Variants in CNTNAP5 observed in about 807,000 individuals in gnomAD.
CNTNAP5 encodes contactin-associated protein-like 5.
CNTNAP5 carries 72 observed loss-of-function variants against 150.2 expected under a neutral mutation model. That is an observed-to-expected ratio of 0.48 (90% CI 0.40 to 0.58). CNTNAP5 has a LOEUF of 0.58. CNTNAP5 is among the 20% of genes least tolerant of loss of function. The pLI, the probability that CNTNAP5 is intolerant of heterozygous loss-of-function variation, is 0.00. For missense variants in CNTNAP5, 1,636 were observed against 1,626.2 expected (o/e 1.01, Z -0.10); for synonymous variants, 672 against 619.8 (o/e 1.08, Z -1.25).
chr2:124,358,456 T>C (rs1573939287), intron 3 of CNTNAP5, among the ~76,000 whole-genome samples: 1 of 152,218 alleles, frequency 6.6e-6, no homozygotes, highest in South Asian at 2.1e-4. Flanking sequence ...TAGATAGCTC[T>C]TATTATTTTG....
intron 4 of CNTNAP5, among the ~76,000 whole-genome samples, chr2:124,429,841 C>G (rs762726326): frequency 6.6e-6 from 1 of 152,070 alleles, no homozygotes; most frequent in Non-Finnish European, 1.5e-5. Context: ...ATAGATGATG[C>G]GCAGGAACTC....
intron 21 of CNTNAP5, among the ~76,000 whole-genome samples, chr2:124,893,200 T>A (rs1426246939): frequency 6.6e-6 from 1 of 152,130 alleles, no homozygotes; most frequent in African/African-American, 2.4e-5. Context: ...ACTTTCTGGC[T>A]GCTATTTTGG....
chr2:124,074,297 G>T (rs960767225), intron 1 of CNTNAP5, among the ~76,000 whole-genome samples: 3 of 151,844 alleles, frequency 2.0e-5, no homozygotes, highest in East Asian at 3.9e-4. Context: ...GGGTGACTGT[G>T]GTCAATAGTA....
intron 3 of CNTNAP5, among the ~76,000 whole-genome samples, chr2:124,344,568 A>G (rs1051911794): frequency 2.0e-5 from 3 of 152,020 alleles, no homozygotes; most frequent in African/African-American, 4.8e-5. Context: ...ACAGGAATTT[A>G]AGACCAGCCT....
At chr2:124,857,509 C>G (rs1330773215) in intron 19 of CNTNAP5, among the ~76,000 whole-genome samples, 2 of 151,892 alleles carry the variant, frequency 1.3e-5, no homozygotes, top group Non-Finnish European at 2.9e-5. Flanking sequence ...GCATGCCACC[C>G]TTGGGATTTT....
chr2:124,207,749 A>G (rs1313418332), intron 1 of CNTNAP5, among the ~76,000 whole-genome samples: 1 of 152,198 alleles, frequency 6.6e-6, no homozygotes, highest in Non-Finnish European at 1.5e-5. Flanking sequence ...TAGTGAACAC[A>G]ATACAATGTA....
chr2:124,741,312 T>C (rs1021967034), intron 13 of CNTNAP5, among the ~76,000 whole-genome samples: 7 of 152,184 alleles, frequency 4.6e-5, no homozygotes, highest in Non-Finnish European at 1.0e-4. Flanking sequence ...GGACTGTTCA[T>C]AGCAACGGGA....
intron 1 of CNTNAP5, among the ~76,000 whole-genome samples, chr2:124,102,281 A>G (rs1199378476): frequency 6.6e-6 from 1 of 152,240 alleles, no homozygotes; most frequent in Non-Finnish European, 1.5e-5. Context: ...AGTAATAGTA[A>G]GTAAACCTCT....
intron 1 of CNTNAP5, among the ~76,000 whole-genome samples, chr2:124,037,738 G>A (rs190451545): frequency 7.2e-5 from 11 of 152,174 alleles, no homozygotes; most frequent in East Asian, 3.9e-4. Context: ...TTAGAAAGGC[G>A]GAATAAGTTC....
At chr2:124,602,333 T>G (rs1231440681) in intron 11 of CNTNAP5, among the ~76,000 whole-genome samples, 1 of 96,584 alleles carries the variant, frequency 1.0e-5, no homozygotes, top group Non-Finnish European at 2.0e-5. Flanking sequence ...AGAGCAAGAC[T>G]TCACCAAAAA....
intron 2 of CNTNAP5, among the ~76,000 whole-genome samples, chr2:124,223,563 T>C (rs1686379298): frequency 6.6e-6 from 1 of 151,880 alleles, no homozygotes; most frequent in Non-Finnish European, 1.5e-5. Context: ...CCAACAGAGC[T>C]TCCAGAGAAA....
chr2:124,150,631 C>G (rs898165138), intron 1 of CNTNAP5, among the ~76,000 whole-genome samples: 2 of 151,800 alleles, frequency 1.3e-5, no homozygotes, highest in African/African-American at 2.4e-5. Flanking sequence ...CTCCTTGTAC[C>G]CTCACATGGT....
chr2:124,344,371 A>T (rs1377891157), intron 3 of CNTNAP5, among the ~76,000 whole-genome samples: 2 of 152,000 alleles, frequency 1.3e-5, no homozygotes, highest in African/African-American at 4.8e-5. Flanking sequence ...AAAAAAAAAA[A>T]GTTATTTATT....
intron 3 of CNTNAP5, among the ~76,000 whole-genome samples, chr2:124,255,157 G>A (rs536332937): frequency 6.6e-6 from 1 of 152,218 alleles, no homozygotes; most frequent in East Asian, 1.9e-4. Flanking sequence ...GAAGGCTGAG[G>A]CAGAAGGATT....
chr2:124,703,539 T>G (rs1679570694), intron 13 of CNTNAP5, among the ~76,000 whole-genome samples: 1 of 152,200 alleles, frequency 6.6e-6, no homozygotes, highest in African/African-American at 2.4e-5. Flanking sequence ...AACACCTAGA[T>G]GCTGCCTAGC....
chr2:124,554,403 A>G (rs1022260561), intron 10 of CNTNAP5, among the ~76,000 whole-genome samples: 6 of 149,370 alleles, frequency 4.0e-5, no homozygotes, highest in East Asian at 4.1e-4. Context: ...GATCTAAATC[A>G]GTTGTCTCAT....
chr2:124,125,219 T>C (rs966767195), intron 1 of CNTNAP5, among the ~76,000 whole-genome samples: 4 of 152,186 alleles, frequency 2.6e-5, no homozygotes, highest in African/African-American at 9.6e-5. Flanking sequence ...TGGAGGAAGA[T>C]CTACCAAGCA....
At chr2:124,741,652 G>A (rs1190123954) in intron 13 of CNTNAP5, among the ~76,000 whole-genome samples, 2 of 152,162 alleles carry the variant, frequency 1.3e-5, no homozygotes, top group African/African-American at 2.4e-5. Context: ...TTCTACTTGA[G>A]GAAACTTTAT....
At chr2:124,798,780 G>C (rs1294704979) in intron 19 of CNTNAP5, among the ~76,000 whole-genome samples, 4 of 152,126 alleles carry the variant, frequency 2.6e-5, no homozygotes, top group Non-Finnish European at 4.4e-5. Context: ...GTTAGTATAT[G>C]AGTCATAACC....
Sources: allele counts gnomAD v4.1 joint callset (sites outside exome capture counted in the v4.1 genomes callset), GRCh38; gene constraint gnomAD v4.1.1; transcripts MANE v1.5; gene names NCBI Gene and HGNC (gene_info 2026-07-23, HGNC 2026-07-21).